ATP4A: variants seen among roughly 807,000 people sequenced by gnomAD.
ATP4A encodes ATPase H+/K+ transporting subunit alpha.
Under a neutral mutation model 112.1 loss-of-function variants are expected in ATP4A, and 73 were observed. The observed-to-expected ratio is 0.65, with a 90% CI of 0.54 to 0.79. The LOEUF is 0.79. Ranked by LOEUF, ATP4A falls within the 30% of genes least tolerant of loss-of-function variation. ATP4A has a pLI of 0.00. For synonymous variants in ATP4A, 588 were observed against 588.9 expected, an observed-to-expected ratio of 1.00 and a Z score of 0.02; for missense variants, 1,081 against 1,425.9, an observed-to-expected ratio of 0.76 and a Z score of 3.90.
chr19:35,554,649 CTCTG>C (rs1392745930), intron 16 of ATP4A, among the ~76,000 whole-genome samples: 1 of 152,192 alleles, frequency 6.6e-6, no homozygotes. Flanking sequence ...CTGTTTCCAT[CTCTG>C]TCTGAGTATC....
At position 35,563,204 on chromosome 19, in the gene ATP4A, C is replaced by T. The variant is rs867925649; in HGVS notation, c.216+5G>A. On this transcript the variant is annotated splice_donor_5th_base_variant and intron_variant, in intron 3 of 21. Coordinates refer to ENST00000262623, the MANE Select transcript of ATP4A (RefSeq NM_000704.3). ...CTTTCTGTACGCTCCCAGTCTCCAG[C>T]TCACCTTGGTGGCACTGGTCTGGTA... is the stretch of plus-strand genomic sequence containing the variant. The T allele has an allele frequency of 1.1e-5, 18 of 1,613,798 alleles. No homozygotes were observed. The highest frequency in any genetic ancestry group is 3.3e-4 in the Middle Eastern group (2 of 6,064).
In ATP4A at chr19:35,550,987, C is replaced by T. The variant is rs2071598364; in HGVS notation, c.2987+23G>A. The stretch of plus-strand genomic sequence containing the variant: ...CTGTGCCCTACAGCCCCCTCCCTGT[C>T]CTTGCCCCTCACAGCCTCTCACCGA... On this transcript the variant is annotated intron_variant, in intron 20 of 21. Coordinates refer to ENST00000262623, the MANE Select transcript of ATP4A (RefSeq NM_000704.3). The surrounding 1 kb of genome is among the most constrained non-coding windows in gnomAD (Gnocchi z 4.1). 6.2e-7 allele frequency: 1 copy of T among 1,613,136 alleles called. No individual in the cohort carries two copies. The highest frequency in any genetic ancestry group is 8.5e-7 in the Non-Finnish European group (1 of 1,179,508).
chr19:35,553,768 C>T lies in ATP4A; in HGVS notation c.2543G>A (p.Arg848His), dbSNP rs766761702. The T allele has an allele frequency of 3.7e-6, 6 of 1,610,956 alleles. No homozygotes were observed. The highest frequency in any genetic ancestry group is 4.2e-6 in the Non-Finnish European group (5 of 1,178,784). ...AESDIMHLRP[R>H]NPKRDRLVNE... ...GACCAATCTGTCACGCTTTGGGTTG[C>T]GTGGACGCAGGTGCATGATGTCACT... The change falls in exon 17 of 22, where the codon CGC (arginine) becomes CAC (histidine). Residue 848 changes from arginine to histidine, a missense_variant. Physicochemically the swap from Arg to His is conservative, Grantham distance 29. Around this residue, in one of 3 missense-constraint regions of ATP4A, gnomAD observed 219 missense variants for 320.9 expected, o/e 0.68. Transcript: ENST00000262623.
Position 35,559,252 on chromosome 19 carries a change from G to T in ATP4A, c.1057-61C>A, listed in dbSNP as rs896542367. On this transcript the variant is annotated intron_variant, in intron 7 of 21. Coordinates refer to ENST00000262623, the MANE Select transcript of ATP4A (RefSeq NM_000704.3). This position sits in a 1 kb window ranked among gnomAD's most constrained non-coding sequence, Gnocchi z 4.1. ...ACCCTGGCTTCCAGTCCTCTTCCCC[G>T]CGTCAAAGAACGGGGAAGGCTTTAC... 13 of 1,563,826 alleles carry T rather than the reference G, an allele frequency of 8.3e-6. No individual in the cohort carries two copies. Among genetic ancestry groups the T allele is most frequent in the Non-Finnish European group, 2.6e-6 (3 of 1,141,288 alleles).
Position 35,557,589 on chromosome 19 carries a change from G to A in ATP4A, c.1693+66C>T. The A allele has an allele frequency of 1.3e-6, 2 of 1,501,980 alleles. No individual in the cohort carries two copies. 93.0% of individuals were successfully genotyped at this position (1,501,980 alleles called of 1,614,324 possible). A position where few individuals can be genotyped will look rare whatever the true frequency, so the allele number is the denominator to read the frequency against. On this transcript the variant is annotated intron_variant, in intron 11 of 21. Transcript: ENST00000262623. This position sits in a 1 kb window ranked among gnomAD's most constrained non-coding sequence, Gnocchi z 4.4. ...GGACGGTCAGGGCTGGGCCGGGAGT[G>A]GTGGGCAGGGTCTGTGCTAGCTCCT... is the stretch of plus-strand genomic sequence containing the variant.
Position 35,555,398 on chromosome 19 carries a change from C to T in ATP4A, c.2157+42G>A, listed in dbSNP as rs201405216. The T allele has an allele frequency of 2.6e-4, 422 of 1,600,838 alleles. 3 individuals are homozygous for T. The East Asian group carries it at 7.8e-3, about 30-fold the overall frequency. ...TGAGAGGCCGGTCCAAGACCAGCCC[C>T]GCCTGTCTGCCCGCCTGCCCACCCT... On this transcript the variant is annotated intron_variant, in intron 14 of 21. Transcript: ENST00000262623. The surrounding 1 kb of genome is among the most constrained non-coding windows in gnomAD (Gnocchi z 6.6).
rs763785954 is a variant in ATP4A at position 35,551,548 on chromosome 19, G to A, written c.2784C>T (p.Thr928=). The stretch of plus-strand genomic sequence containing the variant: ...TGCTGATGAAGAACACGGTGTAGCA[G>A]GTGTACTGCTGGTACAGGCGCTGCC... The part of the protein sequence containing the change: ...TFGQRLYQQY[T]CYTVFFISIE... Residue 928 remains threonine (T), a synonymous_variant, in exon 19 of 22, where the codon ACC becomes ACT. Coordinates refer to ENST00000262623, the MANE Select transcript of ATP4A (RefSeq NM_000704.3). This position sits in a 1 kb window ranked among gnomAD's most constrained non-coding sequence, Gnocchi z 5.2. 6.2e-7 allele frequency: 1 copy of A among 1,613,800 alleles called. No individual in the cohort carries two copies. The highest frequency in any genetic ancestry group is 1.7e-5 in the Admixed American group (1 of 59,974).
rs1374217460 is a variant in ATP4A, at chr19:35,550,550, G to T, written c.*65C>A. 6.3e-7 allele frequency: 1 copy of T among 1,593,600 alleles called. No homozygotes were observed. Among genetic ancestry groups the T allele is most frequent in the Non-Finnish European group, 8.6e-7 (1 of 1,162,402 alleles). On this transcript the variant is annotated 3_prime_UTR_variant, in exon 22 of 22. Coordinates refer to ENST00000262623, the MANE Select transcript of ATP4A (RefSeq NM_000704.3). This position sits in a 1 kb window ranked among gnomAD's most constrained non-coding sequence, Gnocchi z 4.1. ...CAGATATCTTGGTGGCTGTCCAGAG[G>T]GTCCCACGAGCCCTGCCCCCACCTG... is the stretch of plus-strand genomic sequence containing the variant.
Position 35,557,597 on chromosome 19 carries a change from G to A in ATP4A, c.1693+58C>T. 6.6e-7 allele frequency: 1 copy of A among 1,518,154 alleles called. No individual in the cohort carries two copies. Among genetic ancestry groups the A allele is most frequent in the Non-Finnish European group, 8.9e-7 (1 of 1,125,266 alleles). The allele number at this position is 1,518,154 out of a possible 1,614,324, so 94.0% of individuals were successfully genotyped here. A position where few individuals can be genotyped will look rare whatever the true frequency, so the allele number is the denominator to read the frequency against. ...AGGGCTGGGCCGGGAGTGGTGGGCAGGGTCTGTGCTAGCTCCTCCTCGCAC... is the reference window on the plus strand; with the variant it reads ...AGGGCTGGGCCGGGAGTGGTGGGCAAGGTCTGTGCTAGCTCCTCCTCGCAC... On this transcript the variant is annotated intron_variant, in intron 11 of 21. Transcript: ENST00000262623. This position sits in a 1 kb window ranked among gnomAD's most constrained non-coding sequence, Gnocchi z 4.4.
chr19:35,562,744 T>G, intron 3 of ATP4A, 106 bp from the exon 4 acceptor site: 1 of 1,136,928 alleles, frequency 8.8e-7, no homozygotes, highest in Non-Finnish European at 1.2e-6. Flanking sequence ...TGGTCTGTCC[T>G]GCTCCTTCTC....
At chr19:35,553,436 A>G (rs1031492065) in intron 17 of ATP4A, among the ~76,000 whole-genome samples, 1 of 152,158 alleles carries the variant, frequency 6.6e-6, no homozygotes, top group Non-Finnish European at 1.5e-5. Flanking sequence ...GGACAGAGAG[A>G]AAAAGACACA....
chr19:35,551,759 C>T lies in ATP4A; in HGVS notation c.2752-179G>A, dbSNP rs1486750712. ...GGCAGGGTCTGCCAGGTGTGCAGGA[C>T]CCCAGAACGTGGGGCCCAGAAACCT... is the stretch of plus-strand genomic sequence containing the variant. On this transcript the variant is annotated intron_variant, in intron 18 of 21. Transcript: ENST00000262623. This position sits in a 1 kb window ranked among gnomAD's most constrained non-coding sequence, Gnocchi z 5.2. Among the ~76,000 whole-genome samples the T allele has an allele frequency of 6.6e-6, 1 of 152,062 alleles. No homozygotes were observed. Among genetic ancestry groups the T allele is most frequent in the Non-Finnish European group, 1.5e-5 (1 of 68,000 alleles).
At chr19:35,563,358 C>G in intron 2 of ATP4A, 26 bp downstream of exon 2, 1 of 1,612,880 alleles carries the variant, frequency 6.2e-7, no homozygotes, top group Non-Finnish European at 8.5e-7. Flanking sequence ...CCCTCCAGCT[C>G]CCGCCCCTCC....
Position 35,560,255 on chromosome 19 carries a change from C to T in ATP4A, c.787+108G>A. 6.4e-7 allele frequency: 1 copy of T among 1,555,096 alleles called. No individual in the cohort carries two copies. The highest frequency in any genetic ancestry group is 8.7e-7 in the Non-Finnish European group (1 of 1,149,136). ...GTGGCAGTCACGGGGAGGTGGCAGTCATGCAGGAGAGAGACAGGGAGGCTG... is the reference window on the plus strand; with the variant it reads ...GTGGCAGTCACGGGGAGGTGGCAGTTATGCAGGAGAGAGACAGGGAGGCTG... On this transcript the variant is annotated intron_variant, in intron 6 of 21. Coordinates refer to ENST00000262623, the MANE Select transcript of ATP4A (RefSeq NM_000704.3). The surrounding 1 kb of genome is among the most constrained non-coding windows in gnomAD (Gnocchi z 5.1).
chr19:35,550,914 C>A lies in ATP4A; in HGVS notation c.2999G>T (p.Trp1000Leu). Residue 1000 changes from tryptophan (W) to leucine (L), a missense_variant, in exon 21 of 22, where the codon TGG (tryptophan) becomes TTG (leucine). Physicochemically the swap from Trp to Leu is moderately conservative, Grantham distance 61. This residue lies in a region of ATP4A where 219 missense variants were observed against 320.9 expected (regional missense o/e 0.68). Transcript: ENST00000262623. This position sits in a 1 kb window ranked among gnomAD's most constrained non-coding sequence, Gnocchi z 4.1. Reference protein sequence around the residue: ...FNFMPIRFQWWLVPLPYGILI... With the variant: ...FNFMPIRFQWLLVPLPYGILI... ...GATGCCGTAGGGCAGGGGGACCAGC[C>A]ACCACTGGAACCTGAAGGCACATGG... The A allele has an allele frequency of 1.2e-6, 2 of 1,614,148 alleles. No individual in the cohort carries two copies. The highest frequency in any genetic ancestry group is 1.7e-6 in the Non-Finnish European group (2 of 1,180,002).
Position 35,559,373 on chromosome 19 carries a change from C to T in ATP4A, c.1057-182G>A, listed in dbSNP as rs923054608. Among the ~76,000 whole-genome samples the T allele has an allele frequency of 1.3e-5, 2 of 152,258 alleles. No individual in the cohort carries two copies. The highest frequency in any genetic ancestry group is 2.9e-5 in the Non-Finnish European group (2 of 68,044). ...TCAGCCAGTGCTTTGTTTGGGACTC[C>T]TTCCCCAGTCTGCCCAGATACAGTA... On this transcript the variant is annotated intron_variant, in intron 7 of 21. Transcript: ENST00000262623. This position sits in a 1 kb window ranked among gnomAD's most constrained non-coding sequence, Gnocchi z 4.1.
intron 16 of ATP4A, among the ~76,000 whole-genome samples, chr19:35,554,301 G>T (rs540412045): frequency 2.0e-5 from 3 of 151,830 alleles, no homozygotes; most frequent in South Asian, 4.2e-4. Context: ...GTCACAGCCG[G>T]GCCACTTATT....
intron 3 of ATP4A, 51 bp from the exon 4 acceptor site, chr19:35,562,689 C>T: frequency 1.3e-6 from 2 of 1,509,390 alleles, no homozygotes; most frequent in South Asian, 2.5e-5. Context: ...CCTCCACATG[C>T]ACACCCCGTG....
chr19:35,560,709 A>T lies in ATP4A; in HGVS notation c.535-94T>A. 1 of 1,583,266 alleles carries T rather than the reference A, an allele frequency of 6.3e-7. No homozygotes were observed. Among genetic ancestry groups the T allele is most frequent in the Non-Finnish European group, 8.7e-7 (1 of 1,155,972 alleles). On this transcript the variant is annotated intron_variant, in intron 5 of 21. Coordinates refer to ENST00000262623, the MANE Select transcript of ATP4A (RefSeq NM_000704.3). The surrounding 1 kb of genome is among the most constrained non-coding windows in gnomAD (Gnocchi z 5.1). ...TAAAGGATGAGGAGAGCTGGGACCC[A>T]TGGGGAGAGATGGAGGCCACAGATG...
Sources: allele counts gnomAD v4.1 joint callset (sites outside exome capture counted in the v4.1 genomes callset), GRCh38; gene constraint gnomAD v4.1.1; regional missense constraint gnomAD v4.1.1; non-coding constraint Gnocchi (gnomAD v3.1); transcripts MANE v1.5; gene names NCBI Gene and HGNC (gene_info 2026-07-23, HGNC 2026-07-21).